Variants in DHX37 observed in about 807,000 individuals in gnomAD.
The protein encoded by DHX37 is probable ATP-dependent RNA helicase DHX37.
DHX37 carries 52 observed loss-of-function variants against 134.3 expected under a neutral mutation model. That is an observed-to-expected ratio of 0.39 (90% CI 0.31 to 0.49). The LOEUF is 0.49. DHX37 is among the 20% of genes least tolerant of loss of function. DHX37 has a pLI of 0.93. For missense variants in DHX37, 1,344 were observed against 1,580.8 expected (o/e 0.85, Z 2.54); for synonymous variants, 634 against 670.7 (o/e 0.95, Z 0.85).
At chr12:124,965,891 C>A in intron 12 of DHX37, 79 bp from the exon 13 acceptor site, 1 of 1,539,754 alleles carries the variant, frequency 6.5e-7, no homozygotes, top group Non-Finnish European at 8.8e-7. Flanking sequence ...AAGACAGGTG[C>A]CCTCGCATGG....
intron 3 of DHX37, among the ~76,000 whole-genome samples, chr12:124,982,129 A>C (rs927566672): frequency 1.3e-5 from 2 of 151,098 alleles, no homozygotes; most frequent in African/African-American, 4.9e-5. Flanking sequence ...TCTCAAAAAA[A>C]AAAAACAAAA....
intron 16 of DHX37, among the ~76,000 whole-genome samples, chr12:124,958,506 C>G (rs977871804): frequency 7.9e-5 from 12 of 152,334 alleles, no homozygotes; most frequent in African/African-American, 2.9e-4. Context: ...CTCAGTGTCT[C>G]AGGCTCCTCA....
intron 23 of DHX37, 21 bp downstream of exon 23, chr12:124,950,392 C>T: frequency 1.3e-6 from 2 of 1,597,716 alleles, no homozygotes; most frequent in Non-Finnish European, 1.7e-6. Context: ...TCAGGTTGCC[C>T]AGGACACTGC....
At chr12:124,978,880 T>C (rs1250919609) in intron 4 of DHX37, among the ~76,000 whole-genome samples, 1 of 151,158 alleles carries the variant, frequency 6.6e-6, no homozygotes, top group African/African-American at 2.4e-5. Flanking sequence ...TGCAGTGAAC[T>C]GTGATCACAC....
intron 10 of DHX37, among the ~76,000 whole-genome samples, chr12:124,967,985 G>A (rs1196800705): frequency 1.3e-5 from 2 of 152,206 alleles, no homozygotes; most frequent in East Asian, 1.9e-4. Context: ...GGAGGCTGAG[G>A]CAGGAGAATC....
At chr12:124,961,273 T>TGCACACGCACACACATACACGCGTGCAC (rs1555275484) in intron 15 of DHX37, among the ~76,000 whole-genome samples, 3 of 102,654 alleles carry the variant, frequency 2.9e-5, no homozygotes, top group African/African-American at 1.1e-4. Flanking sequence ...CATACACGCG[T>TGCACACGCACACACATACACGCGTGCAC]GCACGCACAC....
chr12:124,959,094 G>A (rs1954170292), intron 16 of DHX37, among the ~76,000 whole-genome samples: 1 of 121,530 alleles, frequency 8.2e-6, no homozygotes. Flanking sequence ...TTTTTTTGGA[G>A]ACGGAGTCTC....
At chr12:124,954,256 G>A (rs1451168374) in intron 18 of DHX37, 45 bp from the exon 19 acceptor site, 15 of 1,522,850 alleles carry the variant, frequency 9.8e-6, no homozygotes, top group South Asian at 9.2e-5. Context: ...CCTCGGCTGC[G>A]CTCAGGGCCT....
chr12:124,966,744 G>A, intron 12 of DHX37, 49 bp downstream of exon 12: 1 of 1,590,344 alleles, frequency 6.3e-7, no homozygotes, highest in African/African-American at 1.3e-5. Context: ...CTGCCATCCT[G>A]GACAACGCAG....
rs774532721 is a variant in DHX37, at chr12:124,948,166, C to T, written c.3306G>A (p.Thr1102=). ...CAACCAGGGCTCGCAGAAGGCTCTCCGTACGGGGCTGCAGCCTGTGGGGCA... is the reference window on the plus strand; with the variant it reads ...CAACCAGGGCTCGCAGAAGGCTCTCTGTACGGGGCTGCAGCCTGTGGGGCA... ...LKTWARLQPR[T]ESLLRALVAE... is the part of the protein sequence containing the mutation. Residue 1102 remains threonine, a synonymous_variant, in exon 26 of 27, where the codon ACG becomes ACA. Transcript: ENST00000308736. 2.0e-5 allele frequency: 33 copies of T among 1,613,950 alleles called. No individual in the cohort carries two copies. In the Admixed American group the frequency reaches 2.8e-4, roughly 14 times the overall value.
chr12:124,961,014 C>T (rs1368783331), intron 15 of DHX37, among the ~76,000 whole-genome samples: 1 of 152,246 alleles, frequency 6.6e-6, no homozygotes, highest in Admixed American at 6.5e-5. Flanking sequence ...TGGTGCATAG[C>T]ACTCTACACT....
intron 18 of DHX37, among the ~76,000 whole-genome samples, chr12:124,954,750 C>G (rs1954058067): frequency 6.6e-6 from 1 of 152,264 alleles, no homozygotes; most frequent in South Asian, 2.1e-4. Context: ...AAATAGCTGC[C>G]AAGGGTGGAC....
intron 15 of DHX37, among the ~76,000 whole-genome samples, 174 bp from the exon 16 acceptor site, chr12:124,960,597 T>A (rs1954216971): frequency 6.6e-6 from 1 of 152,164 alleles, no homozygotes; most frequent in African/African-American, 2.4e-5. Context: ...CTCATTCTCC[T>A]CACCTGTGAA....
At chr12:124,963,275 T>C (rs1176223261) in intron 15 of DHX37, among the ~76,000 whole-genome samples, 2 of 152,204 alleles carry the variant, frequency 1.3e-5, no homozygotes, top group African/African-American at 2.4e-5. Context: ...TATGACTTTA[T>C]TGCATTTATC....
chr12:124,959,911 C>T (rs952563807), intron 16 of DHX37, among the ~76,000 whole-genome samples: 5 of 152,298 alleles, frequency 3.3e-5, no homozygotes, highest in East Asian at 1.9e-4. Flanking sequence ...CAGCGTGGCA[C>T]GGGGCACTGC....
intron 15 of DHX37, among the ~76,000 whole-genome samples, chr12:124,961,656 T>C (rs1439011674): frequency 3.3e-5 from 5 of 152,216 alleles, no homozygotes; most frequent in Non-Finnish European, 7.3e-5. Context: ...CTTGAACTCC[T>C]GACCTTGTGA....
At chr12:124,971,921 G>T (rs1479861884) in intron 7 of DHX37, among the ~76,000 whole-genome samples, 1 of 152,232 alleles carries the variant, frequency 6.6e-6, no homozygotes, top group Admixed American at 6.5e-5. Flanking sequence ...GCTGACTAGG[G>T]AGGCAGCAGC....
intron 1 of DHX37, among the ~76,000 whole-genome samples, chr12:124,987,874 G>A (rs1348928268): frequency 6.6e-6 from 1 of 151,306 alleles, no homozygotes; most frequent in African/African-American, 2.4e-5. Flanking sequence ...GAATTTTGGA[G>A]TATTTTGGAT....
At chr12:124,978,948 T>C (rs1468327982) in intron 4 of DHX37, among the ~76,000 whole-genome samples, 3 of 148,324 alleles carry the variant, frequency 2.0e-5, no homozygotes, top group African/African-American at 7.5e-5. Context: ...AAAAAAAAGA[T>C]TAAAAGCTAC....
Sources: allele counts gnomAD v4.1 joint callset (sites outside exome capture counted in the v4.1 genomes callset), GRCh38; gene constraint gnomAD v4.1.1; transcripts MANE v1.5; gene names NCBI Gene and HGNC (gene_info 2026-07-23, HGNC 2026-07-21).